Variants in COL24A1 observed in about 807,000 individuals in gnomAD.
COL24A1 encodes collagen alpha-1(XXIV) chain.
Under a neutral mutation model 253.9 loss-of-function variants are expected in COL24A1, and 224 were observed. That is an observed-to-expected ratio of 0.88 (90% CI 0.79 to 0.99). The LOEUF is 0.99. COL24A1 is among the 50% of genes least tolerant of loss of function. COL24A1 has a pLI of 0.00. For synonymous variants in COL24A1, 685 were observed against 673.7 expected (o/e 1.02, Z -0.26); for missense variants, 2,131 against 2,068.5 (o/e 1.03, Z -0.59).
At chr1:85,758,179 T>A (rs1270387878) in intron 55 of COL24A1, among the ~76,000 whole-genome samples, 1 of 152,136 alleles carries the variant, frequency 6.6e-6, no homozygotes, top group African/African-American at 2.4e-5. Context: ...TCAAGATCAC[T>A]GGATGGTGAA....
At chr1:85,754,769 T>TCC (rs1666030772) in intron 55 of COL24A1, among the ~76,000 whole-genome samples, 2 of 151,882 alleles carry the variant, frequency 1.3e-5, no homozygotes, top group African/African-American at 4.8e-5. Context: ...TTATTGAGAT[T>TCC]ATCCTGTTTG....
intron 7 of COL24A1, among the ~76,000 whole-genome samples, chr1:86,076,649 G>A (rs1395273611): frequency 6.6e-6 from 1 of 151,406 alleles, no homozygotes; most frequent in Non-Finnish European, 1.5e-5. Flanking sequence ...TATACTATAA[G>A]GCTACAGTAA....
At chr1:86,142,391 T>C (rs112922533) in intron 2 of COL24A1, among the ~76,000 whole-genome samples, 11,702 of 150,806 alleles carry the variant, frequency 0.078, 558 homozygotes, top group East Asian at 0.21. Flanking sequence ...GGCGTGGTGG[T>C]GGGTGCCTGT....
chr1:85,855,250 G>A (rs1384873107), intron 37 of COL24A1, among the ~76,000 whole-genome samples: 1 of 152,068 alleles, frequency 6.6e-6, no homozygotes, highest in African/African-American at 2.4e-5. Context: ...TGCTGTGACT[G>A]AGAGTTCCAG....
chr1:85,817,903 G>T (rs541239243), intron 46 of COL24A1, 131 bp downstream of exon 46: 2 of 749,712 alleles, frequency 2.7e-6, no homozygotes, highest in East Asian at 5.0e-5. Context: ...TTCCAGCATG[G>T]GTTTAATTTT....
intron 47 of COL24A1, among the ~76,000 whole-genome samples, chr1:85,802,892 T>A (rs1026462415): frequency 1.3e-5 from 2 of 152,344 alleles, no homozygotes; most frequent in Non-Finnish European, 1.5e-5. Context: ...TGTTGAAGCA[T>A]GTATATAATT....
rs190990626 is a variant in COL24A1 at position 85,899,896 on chromosome 1, C to T, written c.2779-3487G>A. Among the ~76,000 whole-genome samples the T allele has an allele frequency of 1.2e-4, 18 of 152,216 alleles. No individual in the cohort carries two copies. The East Asian group carries it at 2.9e-3, about 25-fold the overall frequency. ...TGTTAGGTGAGTAGCCTGACTCCCACGATGTCTAACTGTACAAAGACTGAA... is the reference window on the plus strand; with the variant it reads ...TGTTAGGTGAGTAGCCTGACTCCCATGATGTCTAACTGTACAAAGACTGAA... On this transcript the variant is annotated intron_variant, in intron 28 of 59. Coordinates refer to ENST00000370571, the MANE Select transcript of COL24A1 (RefSeq NM_152890.7).
At chr1:85,853,982 T>C (rs779909335) in intron 37 of COL24A1, among the ~76,000 whole-genome samples, 2 of 152,220 alleles carry the variant, frequency 1.3e-5, no homozygotes, top group Non-Finnish European at 2.9e-5. Context: ...GGTTCATTTG[T>C]CAAGTTTTGT....
chr1:86,062,983 A>C (rs187087415), intron 8 of COL24A1, among the ~76,000 whole-genome samples: 19 of 152,186 alleles, frequency 1.2e-4, no homozygotes, highest in African/African-American at 4.6e-4. Context: ...CTGATTCTTT[A>C]ATAACGGTAT....
chr1:85,935,168 TAAAAAATTTTTAAA>T lies in COL24A1; in HGVS notation c.2563-23749_2563-23736del, dbSNP rs1688154390. Among the ~76,000 whole-genome samples the T allele has an allele frequency of 1.3e-5, 2 of 148,924 alleles. 1 individual carries two copies. The highest frequency in any genetic ancestry group is 3.0e-5 in the Non-Finnish European group (2 of 66,986). ...AATTAGAATATTTCCTGTTTGAAACTAAAAAATTTTTAAACATTTATTTAAAAGTTCTTATGCTT... is the reference window on the plus strand; with the variant it reads ...AATTAGAATATTTCCTGTTTGAAACTCATTTATTTAAAAGTTCTTATGCTT... On this transcript the variant is annotated intron_variant, in intron 24 of 59. Coordinates refer to ENST00000370571, the MANE Select transcript of COL24A1 (RefSeq NM_152890.7).
chr1:85,903,087 GA>G (rs1402105972), intron 28 of COL24A1, among the ~76,000 whole-genome samples: 2 of 151,948 alleles, frequency 1.3e-5, no homozygotes, highest in Admixed American at 1.3e-4. Context: ...CCATTACTTA[GA>G]AAAATACTTT....
At chr1:85,861,287 A>T (rs1439343494) in intron 37 of COL24A1, among the ~76,000 whole-genome samples, 1 of 152,110 alleles carries the variant, frequency 6.6e-6, no homozygotes, top group Non-Finnish European at 1.5e-5. Flanking sequence ...CTTTGGAGAT[A>T]TTTAAGTCTG....
At chr1:85,900,403 C>G (rs892818098) in intron 28 of COL24A1, among the ~76,000 whole-genome samples, 4 of 152,066 alleles carry the variant, frequency 2.6e-5, no homozygotes, top group Non-Finnish European at 4.4e-5. Flanking sequence ...TTTTGGGAAG[C>G]TGAGGAGGGA....
Position 86,125,945 on chromosome 1 carries a change from G to T in COL24A1, c.391C>A (p.Leu131Met), listed in dbSNP as rs755286353. The change falls in exon 3 of 60, where the codon CTG becomes ATG. Residue 131 changes from leucine (L) to methionine (M), a missense_variant. Physicochemically the swap from Leu to Met is conservative, Grantham distance 15. Coordinates refer to ENST00000370571, the MANE Select transcript of COL24A1 (RefSeq NM_152890.7). ...GGTAGTAATTGTACTCCTAATTGCA[G>T]TCTATTTTTATTTCTAATGCTGAAG... ...FLFSIRNKNR[L>M]QLGVQLLPKK... 1 of 1,613,348 alleles carries T rather than the reference G, an allele frequency of 6.2e-7. No individual in the cohort carries two copies. Among genetic ancestry groups the T allele is most frequent in the Non-Finnish European group, 8.5e-7 (1 of 1,179,734 alleles).
At chr1:86,084,636 A>G (rs994589106) in intron 7 of COL24A1, among the ~76,000 whole-genome samples, 6 of 152,232 alleles carry the variant, frequency 3.9e-5, no homozygotes, top group African/African-American at 1.4e-4. Context: ...ACACAGAAAT[A>G]TTTTAAAAGA....
At chr1:86,127,809 TC>T (rs1176248889) in intron 2 of COL24A1, among the ~76,000 whole-genome samples, 1 of 152,088 alleles carries the variant, frequency 6.6e-6, no homozygotes, top group Non-Finnish European at 1.5e-5. Context: ...GAATCTCATT[TC>T]CCAAGTCTCA....
At chr1:85,863,593 C>G (rs1332437271) in intron 37 of COL24A1, among the ~76,000 whole-genome samples, 1 of 152,156 alleles carries the variant, frequency 6.6e-6, no homozygotes, top group African/African-American at 2.4e-5. Flanking sequence ...GAAAAAGAAA[C>G]TACCATCAGA....
At chr1:86,128,205 G>T (rs1648613161) in intron 2 of COL24A1, among the ~76,000 whole-genome samples, 1 of 151,956 alleles carries the variant, frequency 6.6e-6, no homozygotes, top group African/African-American at 2.4e-5. Flanking sequence ...ATGGCTGGTT[G>T]TTTCAATATA....
chr1:86,045,462 C>A (rs952897748), intron 12 of COL24A1, among the ~76,000 whole-genome samples: 1 of 151,770 alleles, frequency 6.6e-6, no homozygotes, highest in African/African-American at 2.4e-5. Context: ...GAAAACAAAC[C>A]ACCTATTGTT....
Sources: gnomAD v4.1 joint callset for allele counts (sites outside exome capture counted in the v4.1 genomes callset) on GRCh38, gnomAD v4.1.1 for gene constraint, MANE v1.5 for transcripts, NCBI Gene and HGNC (gene_info 2026-07-23, HGNC 2026-07-21) for gene names.